EYA2: variants seen among roughly 807,000 people sequenced by gnomAD.
The protein encoded by EYA2 is EYA transcriptional coactivator and phosphatase 2.
Under a neutral mutation model 69.2 loss-of-function variants are expected in EYA2, and 31 were observed. That is an observed-to-expected ratio of 0.45 (90% CI 0.34 to 0.60). The LOEUF is 0.60. Among genes scored for constraint, EYA2 ranks in the 20% least tolerant of loss-of-function variants. The pLI is 0.02. For missense variants in EYA2, 622 were observed against 701.2 expected (o/e 0.89, Z 1.28); for synonymous variants, 257 against 279.4 (o/e 0.92, Z 0.80).
At chr20:47,078,533 C>T (rs1054702164) in intron 7 of EYA2, among the ~76,000 whole-genome samples, 14 of 152,358 alleles carry the variant, frequency 9.2e-5, no homozygotes, top group African/African-American at 2.9e-4. Context: ...TCACCACTCA[C>T]ATCCCCCATG....
rs137882387 is a variant in EYA2 at position 47,080,822 on chromosome 20, A to G, written c.661+6487A>G. On this transcript the variant is annotated intron_variant, in intron 7 of 15. Transcript: ENST00000327619. ...GGCGAACTGCCACTTTCTTAAAACC[A>G]TCAGATCTTGCGAGACTCGTTCACT... Among the ~76,000 whole-genome samples the G allele has an allele frequency of 3.8e-3, 578 of 152,304 alleles. 5 individuals carry two copies. Among genetic ancestry groups the G allele is most frequent in the African/African-American group, 0.013 (558 of 41,558 alleles).
chr20:47,134,089 C>T (rs1568799383), intron 9 of EYA2, among the ~76,000 whole-genome samples: 1 of 152,240 alleles, frequency 6.6e-6, no homozygotes, highest in Non-Finnish European at 1.5e-5. Flanking sequence ...TAACCCTTTC[C>T]TGCACAGCCA....
chr20:47,046,301 G>T (rs2030035137), intron 5 of EYA2, among the ~76,000 whole-genome samples: 1 of 152,162 alleles, frequency 6.6e-6, no homozygotes, highest in South Asian at 2.1e-4. Context: ...TTAGGAATTA[G>T]CTTTCAACAT....
chr20:46,927,978 CAG>C (rs1387769276), intron 1 of EYA2, among the ~76,000 whole-genome samples: 1 of 152,180 alleles, frequency 6.6e-6, no homozygotes, highest in Non-Finnish European at 1.5e-5. Context: ...ACAATAATAA[CAG>C]ATAATACTCA....
chr20:47,065,740 T>G (rs2031084680), intron 5 of EYA2, among the ~76,000 whole-genome samples: 1 of 152,210 alleles, frequency 6.6e-6, no homozygotes, highest in Non-Finnish European at 1.5e-5. Flanking sequence ...GCTTTCAATT[T>G]CTCTATTTAT....
intron 11 of EYA2, 69 bp downstream of exon 11, chr20:47,169,266 G>C: frequency 6.7e-7 from 1 of 1,488,476 alleles, no homozygotes; most frequent in Admixed American, 1.7e-5. Context: ...CTTCTACTAG[G>C]AAGTGGGGTG....
At chr20:47,030,722 C>T (rs1172166294) in intron 5 of EYA2, among the ~76,000 whole-genome samples, 1 of 118,986 alleles carries the variant, frequency 8.4e-6, no homozygotes, top group East Asian at 2.4e-4. Flanking sequence ...GAACACATGG[C>T]CTCTCCTCTT....
intron 1 of EYA2, among the ~76,000 whole-genome samples, chr20:46,983,961 A>G (rs1303377346): frequency 2.0e-5 from 3 of 152,260 alleles, no homozygotes; most frequent in Admixed American, 2.0e-4. Context: ...TTTGATCATG[A>G]TAGTGAGGTT....
At chr20:46,897,478 C>T (rs1362174741) in intron 1 of EYA2, among the ~76,000 whole-genome samples, 4 of 152,166 alleles carry the variant, frequency 2.6e-5, no homozygotes, top group South Asian at 2.1e-4. Flanking sequence ...CAACTTGCAT[C>T]GGGCGCAAGA....
At chr20:46,918,289 C>T (rs1030231470) in intron 1 of EYA2, among the ~76,000 whole-genome samples, 13 of 151,828 alleles carry the variant, frequency 8.6e-5, no homozygotes, top group Non-Finnish European at 1.5e-4. Context: ...CCAGTGCACT[C>T]CAGCCTGGGC....
intron 5 of EYA2, among the ~76,000 whole-genome samples, chr20:47,019,116 C>T (rs78419324): frequency 6.6e-5 from 10 of 152,314 alleles, no homozygotes; most frequent in East Asian, 5.8e-4. Flanking sequence ...ATAACCCTCA[C>T]GCCATCCTGC....
At chr20:47,156,075 CACAT>C (rs2033921248) in intron 10 of EYA2, among the ~76,000 whole-genome samples, 1 of 86,932 alleles carries the variant, frequency 1.2e-5, no homozygotes, top group African/African-American at 6.1e-5. Flanking sequence ...CACACACACA[CACAT>C]ATATATACAT....
At chr20:47,048,670 G>A (rs1253949462) in intron 5 of EYA2, among the ~76,000 whole-genome samples, 1 of 152,246 alleles carries the variant, frequency 6.6e-6, no homozygotes, top group Non-Finnish European at 1.5e-5. Flanking sequence ...CTGGGAGGCA[G>A]AGGTTGCAGT....
intron 1 of EYA2, among the ~76,000 whole-genome samples, chr20:46,978,965 T>C (rs1185111731): frequency 1.3e-5 from 2 of 152,258 alleles, no homozygotes; most frequent in South Asian, 2.1e-4. Flanking sequence ...TGGTGGAGGC[T>C]GTCAGAGACG....
chr20:47,165,697 A>C (rs2034168409), intron 10 of EYA2, among the ~76,000 whole-genome samples: 1 of 152,158 alleles, frequency 6.6e-6, no homozygotes, highest in African/African-American at 2.4e-5. Context: ...AGGACTCTGG[A>C]AACAAGCCTC....
chr20:47,086,577 CAT>C (rs2031900051), intron 7 of EYA2, among the ~76,000 whole-genome samples: 1 of 152,110 alleles, frequency 6.6e-6, no homozygotes, highest in Non-Finnish European at 1.5e-5. Flanking sequence ...AGCCAGATCT[CAT>C]GAGAACTCAC....
chr20:46,920,131 A>C (rs1218270872), intron 1 of EYA2, among the ~76,000 whole-genome samples: 1 of 152,222 alleles, frequency 6.6e-6, no homozygotes, highest in Non-Finnish European at 1.5e-5. Flanking sequence ...GCAATGAAAA[A>C]ACTTTGAAAT....
chr20:47,006,257 C>T (rs917672570), intron 4 of EYA2, among the ~76,000 whole-genome samples: 6 of 152,226 alleles, frequency 3.9e-5, no homozygotes, highest in Admixed American at 2.0e-4. Flanking sequence ...GGCCACATGT[C>T]CACCCGCAGG....
chr20:47,132,813 C>G (rs923591619), intron 9 of EYA2, among the ~76,000 whole-genome samples: 21 of 152,304 alleles, frequency 1.4e-4, no homozygotes, highest in African/African-American at 4.6e-4. Flanking sequence ...ACATAATAAC[C>G]CAGGCCCTTC....
Sources: allele counts gnomAD v4.1 joint callset (sites outside exome capture counted in the v4.1 genomes callset), GRCh38; gene constraint gnomAD v4.1.1; transcripts MANE v1.5; gene names NCBI Gene and HGNC (gene_info 2026-07-23, HGNC 2026-07-21).